The following SATB2 variants were observed in gnomAD, a reference collection of about 807,000 sequenced individuals.
SATB2 encodes the protein SATB homeobox 2, also known as DNA-binding protein SATB2.
Under a neutral mutation model 73.4 loss-of-function variants are expected in SATB2, and 1 was observed. The ratio of observed to expected loss-of-function variants is 0.01; its 90% CI spans 0.00 to 0.06. SATB2 has a LOEUF of 0.06. Ranked by LOEUF, SATB2 falls within the 10% of genes least tolerant of loss-of-function variation. SATB2 has a pLI of 1.00. For synonymous variants in SATB2, 397 were observed against 367.0 expected (o/e 1.08, Z -0.93); for missense variants, 459 against 945.8 (o/e 0.49, Z 6.75).
chr2:199,407,720 A>T (rs1690678610), intron 3 of SATB2, among the ~76,000 whole-genome samples: 1 of 152,214 alleles, frequency 6.6e-6, no homozygotes, highest in African/African-American at 2.4e-5. Context: ...ACAATGGCTA[A>T]GAAAGCCCTG....
At chr2:199,403,779 T>C (rs917118089) in intron 3 of SATB2, among the ~76,000 whole-genome samples, 1 of 152,158 alleles carries the variant, frequency 6.6e-6, no homozygotes, top group Non-Finnish European at 1.5e-5. Context: ...AAGAAAGCCT[T>C]GATATTCAAA....
chr2:199,371,303 A>G (rs1689438857), intron 5 of SATB2, among the ~76,000 whole-genome samples: 1 of 152,268 alleles, frequency 6.6e-6, no homozygotes, highest in South Asian at 2.1e-4. Context: ...CACATACCAC[A>G]AGGTCATCTT....
At position 199,455,992 on chromosome 2, in the gene SATB2, G is replaced by A; in HGVS notation, c.46C>T (p.Arg16Trp). The A allele has an allele frequency of 1.3e-6, 2 of 1,541,006 alleles. No individual in the cohort carries two copies. Residue 16 changes from arginine (R) to tryptophan (W), a missense_variant, in exon 2 of 11, where the codon CGG becomes TGG. Arg to Trp is a moderately radical substitution (Grantham distance 101, BLOSUM62 -3). Transcript: ENST00000417098. This position sits in a 1 kb window ranked among gnomAD's most constrained non-coding sequence, Gnocchi z 4.1. ...ESPCLRDSPD[R>W]RSGSPDVKGP... Reference sequence around the variant, plus strand: ...TTGACGTCCGGGCTGCCGCTCCGCCGGTCGGGGCTGTCCCGCAGACACGGG... The same window carrying A: ...TTGACGTCCGGGCTGCCGCTCCGCCAGTCGGGGCTGTCCCGCAGACACGGG...
intron 9 of SATB2, among the ~76,000 whole-genome samples, chr2:199,321,969 C>T (rs950112926): frequency 3.3e-5 from 5 of 152,132 alleles, no homozygotes; most frequent in Admixed American, 1.3e-4. Context: ...TCTCCAAATT[C>T]TACGAAATCA....
intron 3 of SATB2, among the ~76,000 whole-genome samples, chr2:199,424,873 A>G (rs1178671900): frequency 2.6e-5 from 4 of 152,226 alleles, no homozygotes; most frequent in African/African-American, 9.6e-5. Flanking sequence ...ATCAATGGAC[A>G]AGTTTAAATG....
In SATB2 at chr2:199,272,243, T is replaced by C. The variant is rs1421713467; in HGVS notation, c.2170A>G (p.Lys724Glu). ...EAEEENADKS[K>E]AAPAEIDQR ...TGGTCAATTTCGGCAGGTGCTGCCTTGCTTTTGTCAGCATTTTCCTCCTCA... is the reference window on the plus strand; with the variant it reads ...TGGTCAATTTCGGCAGGTGCTGCCTCGCTTTTGTCAGCATTTTCCTCCTCA... Residue 724 changes from lysine to glutamate, a missense_variant, in exon 11 of 11, where the codon AAG becomes GAG. By Grantham distance (56) the Lys-to-Glu change is moderately conservative. Around this residue, in one of 13 missense-constraint regions of SATB2, gnomAD observed 41 missense variants for 38.6 expected, o/e 1.06. Coordinates refer to ENST00000417098, the MANE Select transcript of SATB2 (RefSeq NM_001172509.2). This position sits in a 1 kb window ranked among gnomAD's most constrained non-coding sequence, Gnocchi z 6.7. 3 of 1,614,214 alleles carry C rather than the reference T, an allele frequency of 1.9e-6. No individual in the cohort carries two copies. The highest frequency in any genetic ancestry group is 2.2e-5 in the South Asian group (2 of 91,090).
chr2:199,285,765 A>G (rs1692666519), intron 10 of SATB2, among the ~76,000 whole-genome samples: 1 of 152,016 alleles, frequency 6.6e-6, no homozygotes, highest in African/African-American at 2.4e-5. Context: ...ATAAGAAAAA[A>G]AAAGTGGCAG....
intron 10 of SATB2, among the ~76,000 whole-genome samples, chr2:199,299,651 A>G (rs1292735917): frequency 6.6e-6 from 1 of 151,788 alleles, no homozygotes; most frequent in African/African-American, 2.4e-5. Flanking sequence ...TTTCACTGTT[A>G]TATATGTGGT....
chr2:199,439,235 C>T (rs911280570), intron 2 of SATB2, among the ~76,000 whole-genome samples: 7 of 152,364 alleles, frequency 4.6e-5, no homozygotes, highest in African/African-American at 1.7e-4. Flanking sequence ...TCTCCAGCCT[C>T]CTCCCTAGCT....
chr2:199,398,177 T>C (rs1690359742), intron 3 of SATB2, among the ~76,000 whole-genome samples: 1 of 145,986 alleles, frequency 6.8e-6, no homozygotes, highest in African/African-American at 2.8e-5. Flanking sequence ...TTTTCCAGAC[T>C]AGAGAATCTG....
chr2:199,296,450 G>A (rs935634590), intron 10 of SATB2, among the ~76,000 whole-genome samples: 1 of 152,082 alleles, frequency 6.6e-6, no homozygotes, highest in Non-Finnish European at 1.5e-5. Flanking sequence ...CAGCACTTTG[G>A]GAGGCCGAGG....
chr2:199,467,190 G>A (rs1185908526), upstream of SATB2, among the ~76,000 whole-genome samples: 7 of 152,240 alleles, frequency 4.6e-5, no homozygotes, highest in East Asian at 1.9e-4. Context: ...CGTGAAGGGC[G>A]GGACGCCCAG....
intron 7 of SATB2, among the ~76,000 whole-genome samples, chr2:199,342,062 A>G (rs930876796): frequency 6.6e-6 from 1 of 152,148 alleles, no homozygotes; most frequent in African/African-American, 2.4e-5. Flanking sequence ...AGCATTTCCA[A>G]CTCTGCCAGG....
intron 3 of SATB2, among the ~76,000 whole-genome samples, chr2:199,409,120 C>G (rs1690728379): frequency 6.6e-6 from 1 of 150,610 alleles, no homozygotes. Flanking sequence ...AATTAGAAAG[C>G]TGAATTTAGA....
chr2:199,469,701 C>T (rs1434053835), upstream of SATB2: 6 of 152,346 alleles, frequency 3.9e-5, no homozygotes, highest in Non-Finnish European at 8.8e-5. Flanking sequence ...AGCCTAGGCG[C>T]CCCGGGCTTG....
chr2:199,468,885 A>C (rs1414997167), upstream of SATB2: 1 of 152,302 alleles, frequency 6.6e-6, no homozygotes, highest in African/African-American at 2.4e-5. Flanking sequence ...TTTGTATATG[A>C]AACACTTTTT....
At chr2:199,376,166 A>G (rs997044533) in intron 5 of SATB2, among the ~76,000 whole-genome samples, 1 of 152,184 alleles carries the variant, frequency 6.6e-6, no homozygotes, top group African/African-American at 2.4e-5. Flanking sequence ...GAGATTTTCC[A>G]TAATCACACA....
At chr2:199,456,436 C>T (rs1294631786) in intron 1 of SATB2, among the ~76,000 whole-genome samples, 3 of 152,252 alleles carry the variant, frequency 2.0e-5, no homozygotes, top group Non-Finnish European at 4.4e-5. Context: ...TACAGCCTAG[C>T]CCGTCCCGGG....
At chr2:199,285,038 C>G (rs542208588) in intron 10 of SATB2, among the ~76,000 whole-genome samples, 4 of 151,956 alleles carry the variant, frequency 2.6e-5, no homozygotes, top group African/African-American at 9.7e-5. Flanking sequence ...ATCAATCCCC[C>G]GTGGATACAA....
Sources: gnomAD v4.1 joint callset for allele counts (sites outside exome capture counted in the v4.1 genomes callset) on GRCh38, gnomAD v4.1.1 for gene constraint, gnomAD v4.1.1 regional missense constraint, Gnocchi (gnomAD v3.1) non-coding constraint, MANE v1.5 for transcripts, NCBI Gene and HGNC (gene_info 2026-07-23, HGNC 2026-07-21) for gene names.